The following CRISPLD1 variants were observed in gnomAD, a reference collection of about 807,000 sequenced individuals.
CRISPLD1 encodes cysteine-rich secretory protein LCCL domain-containing 1.
CRISPLD1 carries 60 observed loss-of-function variants against 77.5 expected under a neutral mutation model. The ratio of observed to expected loss-of-function variants is 0.77; its 90% CI spans 0.63 to 0.96. CRISPLD1 has a LOEUF of 0.96. Ranked by LOEUF, CRISPLD1 falls within the 40% of genes least tolerant of loss-of-function variation. The pLI is 0.00. For synonymous variants in CRISPLD1, 195 were observed against 200.1 expected, an observed-to-expected ratio of 0.97 and a Z score of 0.22; for missense variants, 623 against 615.8, an observed-to-expected ratio of 1.01 and a Z score of -0.12.
chr8:75,001,965 A>C (rs1282094422), intron 2 of CRISPLD1, among the ~76,000 whole-genome samples: 2 of 152,166 alleles, frequency 1.3e-5, no homozygotes, highest in East Asian at 3.8e-4. Flanking sequence ...TCTTGACCTA[A>C]AAAATGTTTT....
At chr8:75,002,167 A>C (rs1483942148) in intron 2 of CRISPLD1, among the ~76,000 whole-genome samples, 1 of 151,946 alleles carries the variant, frequency 6.6e-6, no homozygotes, top group East Asian at 1.9e-4. Flanking sequence ...GAATTATAAG[A>C]TTATTTACTC....
chr8:75,010,839 C>T (rs1812916361), intron 2 of CRISPLD1, among the ~76,000 whole-genome samples: 1 of 151,886 alleles, frequency 6.6e-6, no homozygotes, highest in Non-Finnish European at 1.5e-5. Flanking sequence ...AAATTTATCT[C>T]TGGGTGAATA....
intron 2 of CRISPLD1, among the ~76,000 whole-genome samples, chr8:74,987,619 T>C (rs1465007042): frequency 6.6e-6 from 1 of 152,230 alleles, no homozygotes; most frequent in African/African-American, 2.4e-5. Flanking sequence ...ATATGACATC[T>C]GTAATGTCTC....
chr8:74,985,585 C>T (rs1237381447), intron 1 of CRISPLD1, among the ~76,000 whole-genome samples: 1 of 152,080 alleles, frequency 6.6e-6, no homozygotes, highest in African/African-American at 2.4e-5. Context: ...ACATCCTTTG[C>T]AGGGTATATG....
chr8:75,011,297 C>T (rs1296648611), intron 2 of CRISPLD1, among the ~76,000 whole-genome samples: 1 of 136,422 alleles, frequency 7.3e-6, no homozygotes, highest in Non-Finnish European at 1.6e-5. Flanking sequence ...CACAACAGTC[C>T]CCAGAGTGTG....
intron 2 of CRISPLD1, among the ~76,000 whole-genome samples, chr8:74,991,617 GCCT>G (rs752342499): frequency 2.0e-5 from 3 of 152,134 alleles, no homozygotes; most frequent in Non-Finnish European, 4.4e-5. Flanking sequence ...TGCAATGTCC[GCCT>G]CCCAGGCTCA....
intron 10 of CRISPLD1, among the ~76,000 whole-genome samples, chr8:75,017,777 A>G (rs1313362898): frequency 6.6e-6 from 1 of 152,186 alleles, no homozygotes; most frequent in African/African-American, 2.4e-5. Flanking sequence ...AGTAATTTGC[A>G]TATTCTTCCT....
At position 75,032,908 on chromosome 8, in the gene CRISPLD1, C is replaced by G. The variant is rs1813376833; in HGVS notation, c.*666C>G. ...GTCAGAGTGGTGGTATGAAAACATT[C>G]CTAGTGATCATGTAGTAAATGTAGG... On this transcript the variant is annotated 3_prime_UTR_variant, in exon 15 of 15. Transcript: ENST00000262207. The G allele has an allele frequency of 6.6e-6, 1 of 151,820 alleles. No homozygotes were observed. The highest frequency in any genetic ancestry group is 2.4e-5 in the African/African-American group (1 of 41,398). 9.4% of individuals were successfully genotyped at this position (151,820 alleles called of 1,614,324 possible). A position where few individuals can be genotyped will look rare whatever the true frequency, so the allele number is the denominator to read the frequency against.
Position 74,986,118 on chromosome 8 carries a change from G to A in CRISPLD1, c.131G>A (p.Gly44Asp). ...KLLEKYMDED[G>D]EWWIAKQRGK... ...TTGGAAAAATACATGGATGAGGATG[G>A]TGAGTGGTGGATAGCCAAACAACGA... The change falls in exon 2 of 15, where the codon GGT becomes GAT. Residue 44 changes from glycine (G) to aspartate (D), a missense_variant. By Grantham distance (94) the Gly-to-Asp change is moderately conservative. Coordinates refer to ENST00000262207, the MANE Select transcript of CRISPLD1 (RefSeq NM_031461.6). 1.2e-6 allele frequency: 2 copies of A among 1,614,114 alleles called. No individual in the cohort carries two copies. Among genetic ancestry groups the A allele is most frequent in the Non-Finnish European group, 1.7e-6 (2 of 1,180,026 alleles).
intron 2 of CRISPLD1, among the ~76,000 whole-genome samples, chr8:74,996,755 G>C (rs1217762193): frequency 9.3e-6 from 1 of 107,336 alleles, no homozygotes. Flanking sequence ...ATCTTGCTCT[G>C]TCACCCAGGC....
chr8:75,022,682 C>G (rs1489961850), intron 12 of CRISPLD1, among the ~76,000 whole-genome samples: 1 of 151,266 alleles, frequency 6.6e-6, no homozygotes, highest in African/African-American at 2.4e-5. Context: ...TTTTAGGGAA[C>G]CATGTAGTTG....
rs190706623 is a variant in CRISPLD1 at position 75,021,823 on chromosome 8, C to T, written c.1244+1744C>T. Among the ~76,000 whole-genome samples the T allele has an allele frequency of 3.9e-5, 6 of 152,024 alleles. No homozygotes were observed. The East Asian group carries it at 1.2e-3, about 29-fold the overall frequency. On this transcript the variant is annotated intron_variant, in intron 12 of 14. Coordinates refer to ENST00000262207, the MANE Select transcript of CRISPLD1 (RefSeq NM_031461.6). ...TAGCATCATAATATGTGAAAAAAAC[C>T]CAGGAACTTTAGAATTTAAATTTAT...
chr8:75,004,917 T>C (rs991366963), intron 2 of CRISPLD1, among the ~76,000 whole-genome samples: 1 of 152,172 alleles, frequency 6.6e-6, no homozygotes, highest in African/African-American at 2.4e-5. Flanking sequence ...AAGAGAGGCC[T>C]GTTTTTAACT....
intron 2 of CRISPLD1, among the ~76,000 whole-genome samples, chr8:75,005,012 C>A (rs1812804610): frequency 6.6e-6 from 1 of 152,026 alleles, no homozygotes; most frequent in African/African-American, 2.4e-5. Context: ...TTAACAATAT[C>A]AAAAATACTT....
intron 12 of CRISPLD1, among the ~76,000 whole-genome samples, chr8:75,021,996 G>A (rs1240612854): frequency 6.6e-6 from 1 of 151,860 alleles, no homozygotes; most frequent in Non-Finnish European, 1.5e-5. Flanking sequence ...CTCAATAAAG[G>A]GTAATTTTAT....
At chr8:75,010,525 T>G (rs41318744) in intron 2 of CRISPLD1, among the ~76,000 whole-genome samples, 18,797 of 152,168 alleles carry the variant, frequency 0.12, 1,712 homozygotes, top group African/African-American at 0.25. Context: ...TCTTCACTTA[T>G]TAATGCTCTG....
At chr8:75,006,744 A>C (rs1459750336) in intron 2 of CRISPLD1, among the ~76,000 whole-genome samples, 1 of 152,064 alleles carries the variant, frequency 6.6e-6, no homozygotes, top group African/African-American at 2.4e-5. Flanking sequence ...AAAACTACTT[A>C]ACAAATTCAG....
intron 14 of CRISPLD1, among the ~76,000 whole-genome samples, chr8:75,030,491 T>G (rs940506617): frequency 2.6e-5 from 4 of 152,180 alleles, no homozygotes; most frequent in African/African-American, 9.7e-5. Context: ...TATGGTTTTA[T>G]GTATGCCTCG....
At chr8:75,021,376 T>C (rs1813133451) in intron 12 of CRISPLD1, among the ~76,000 whole-genome samples, 1 of 152,202 alleles carries the variant, frequency 6.6e-6, no homozygotes, top group Non-Finnish European at 1.5e-5. Context: ...TTTCAAATCA[T>C]TTGTCTCTAC....
Sources: allele counts gnomAD v4.1 joint callset (sites outside exome capture counted in the v4.1 genomes callset), GRCh38; gene constraint gnomAD v4.1.1; transcripts MANE v1.5; gene names NCBI Gene and HGNC (gene_info 2026-07-23, HGNC 2026-07-21).